Variants in BRCA2 observed in about 807,000 individuals in gnomAD.
The protein encoded by BRCA2 is breast cancer type 2 susceptibility protein.
BRCA2 carries 203 observed loss-of-function variants against 276.7 expected under a neutral mutation model. The ratio of observed to expected loss-of-function variants is 0.73; its 90% confidence interval spans 0.65 to 0.82. BRCA2 has a LOEUF of 0.82. BRCA2 is among the 40% of genes least tolerant of loss of function. The probability of loss-of-function intolerance (pLI) is 0.00; values close to 1 mark genes in which losing one functional copy is unlikely to be tolerated. For synonymous variants in BRCA2, 1,289 were observed against 1,338.4 expected, an observed-to-expected ratio of 0.96 and a Z score of 0.81; for missense variants, 3,920 against 3,915.0, an observed-to-expected ratio of 1.00 and a Z score of -0.03.
At chr13:32,372,996 CTTT>C (rs35596121) in intron 20 of BRCA2, among the ~76,000 whole-genome samples, 2 of 144,566 alleles carry the variant, frequency 1.4e-5, no homozygotes, top group Admixed American at 6.9e-5. Flanking sequence ...ATCAATGAAT[CTTT>C]TTTTTTTTTT....
intron 10 of BRCA2, among the ~76,000 whole-genome samples, chr13:32,335,444 C>T (rs527591618): frequency 6.6e-6 from 1 of 151,760 alleles, no homozygotes; most frequent in East Asian, 1.9e-4. Context: ...TTTAACAGAG[C>T]AGTTGAACTC....
In BRCA2 at chr13:32,333,172, C is replaced by T. The variant is rs55821741; in HGVS notation, c.1694C>T (p.Ala565Val). The T allele has an allele frequency of 6.2e-6, 10 of 1,613,830 alleles. No individual in the cohort carries two copies. In the African/African-American group the frequency reaches 1.1e-4, roughly 17 times the overall value. The change falls in exon 10 of 27, where the codon GCC becomes GTC. Residue 565 changes from alanine to valine, a missense_variant. By Grantham distance (64) the Ala-to-Val change is moderately conservative (BLOSUM62 0). Transcript: ENST00000380152. Reference sequence around the variant, plus strand: ...TTAATTGATAATGGAAGCTGGCCAGCCACCACCACACAGAATTCTGTAGCT... The same window carrying T: ...TTAATTGATAATGGAAGCTGGCCAGTCACCACCACACAGAATTCTGTAGCT... ...PNLIDNGSWP[A>V]TTTQNSVALK...
chr13:32,340,233 T>TGTA lies in BRCA2; in HGVS notation c.5882_5884dup (p.Ser1961dup), dbSNP rs1026127409. The TGTA allele has an allele frequency of 1.2e-6, 2 of 1,613,996 alleles. No homozygotes were observed. Among genetic ancestry groups the TGTA allele is most frequent in the Non-Finnish European group, 1.7e-6 (2 of 1,179,916 alleles). On this transcript the variant is annotated inframe_insertion, in exon 11 of 27. Coordinates refer to ENST00000380152, the MANE Select transcript of BRCA2 (RefSeq NM_000059.4). Reference sequence around the variant, plus strand: ...TTTGGAAACTTCAGATATATGTAAATGTAGTATAGGGAAGCTTCATAAGTC... The same window carrying TGTA: ...TTTGGAAACTTCAGATATATGTAAATGTAGTAGTATAGGGAAGCTTCATAAGTC...
rs1555283508 is a variant in BRCA2, at chr13:32,338,375, T to C, written c.4020T>C (p.Asp1340=). The C allele has an allele frequency of 6.3e-7, 1 of 1,591,186 alleles. No individual in the cohort carries two copies. The highest frequency in any genetic ancestry group is 8.5e-7 in the Non-Finnish European group (1 of 1,170,992). The part of the protein sequence containing the change: ...NSHNLEFDGS[D]SSKNDTVCIH... ...ATAACTTAGAATTTGATGGCAGTGA[T>C]TCAAGTAAAAATGATACTGTTTGTA... Residue 1340 remains aspartate (D), a synonymous_variant, in exon 11 of 27, where the codon GAT becomes GAC. Coordinates refer to ENST00000380152, the MANE Select transcript of BRCA2 (RefSeq NM_000059.4).
rs1237734362 is a variant in BRCA2 at position 32,319,340 on chromosome 13, A to G, written c.316+15A>G. ...ATTAGACTTAGGTAAGTAATGCAATATGGTAGACTGGGGAGAACTACAAAC... is the reference window on the plus strand; with the variant it reads ...ATTAGACTTAGGTAAGTAATGCAATGTGGTAGACTGGGGAGAACTACAAAC... On this transcript the variant is annotated intron_variant, in intron 3 of 26. Coordinates refer to ENST00000380152, the MANE Select transcript of BRCA2 (RefSeq NM_000059.4). 3 of 1,603,192 alleles carry G rather than the reference A, an allele frequency of 1.9e-6. No homozygotes were observed. The highest frequency in any genetic ancestry group is 1.7e-5 in the Admixed American group (1 of 59,910).
chr13:32,388,717 G>A (rs865908783), intron 24 of BRCA2, among the ~76,000 whole-genome samples: 2 of 149,202 alleles, frequency 1.3e-5, no homozygotes, highest in Middle Eastern at 3.5e-3. Flanking sequence ...GTGAAGGAAA[G>A]CCAATTAAGT....
chr13:32,374,392 T>C (rs916629589), intron 20 of BRCA2, among the ~76,000 whole-genome samples: 1 of 152,272 alleles, frequency 6.6e-6, no homozygotes, highest in Non-Finnish European at 1.5e-5. Flanking sequence ...CAAACTTGCA[T>C]GCTCTGCTTC....
At chr13:32,376,642 T>G in intron 20 of BRCA2, 28 bp from the exon 21 acceptor site, 2 of 1,611,584 alleles carry the variant, frequency 1.2e-6, no homozygotes, top group Non-Finnish European at 1.7e-6. Context: ...TACAGTTTAG[T>G]GAATTAATAA....
chr13:32,383,809 G>T (rs988137975), intron 24 of BRCA2, among the ~76,000 whole-genome samples: 4 of 152,114 alleles, frequency 2.6e-5, no homozygotes, highest in Non-Finnish European at 4.4e-5. Context: ...AAAGGTAGGT[G>T]GTTGAAGAAG....
rs1409088355 is a variant in BRCA2 at position 32,338,520 on chromosome 13, T to G, written c.4165T>G (p.Phe1389Val). The change falls in exon 11 of 27, where the codon TTT (phenylalanine) becomes GTT (valine). Residue 1389 changes from phenylalanine (F) to valine (V), a missense_variant. By Grantham distance (50) the Phe-to-Val change is conservative. This residue lies in a region of BRCA2 where 3,263 missense variants were observed against 3,156.9 expected (regional missense o/e 1.03). Transcript: ENST00000380152. ...QIKEDLSDLT[F>V]LEVAKAQEAC... ...TAAAGAAGATTTGTCAGATTTAACT[T>G]TTTTGGAAGTTGCGAAAGCTCAAGA... is the stretch of plus-strand genomic sequence containing the variant. 5.6e-6 allele frequency: 9 copies of G among 1,603,280 alleles called. No homozygotes were observed. The South Asian group carries it at 9.1e-5, about 16-fold the overall frequency.
In BRCA2 at chr13:32,335,410, T is replaced by C. The variant is rs774510154; in HGVS notation, c.1910-855T>C. On this transcript the variant is annotated intron_variant, in intron 10 of 26. Coordinates refer to ENST00000380152, the MANE Select transcript of BRCA2 (RefSeq NM_000059.4). ...TGAAATGCAATTAAGAACTGGTTAG[T>C]AGAAAATTCAGAGGGTCAAGAAATT... is the stretch of plus-strand genomic sequence containing the variant. Among the ~76,000 whole-genome samples, 68 of 151,666 alleles carry C rather than the reference T, an allele frequency of 4.5e-4. No homozygotes were observed. The highest frequency in any genetic ancestry group is 7.4e-4 in the Non-Finnish European group (50 of 67,928).
rs80358853 is a variant in BRCA2 at position 32,340,498 on chromosome 13, A to T, written c.6143A>T (p.Asn2048Ile). Reference sequence around the variant, plus strand: ...ATATCCCAAAAAGGCTTTTCATATAATGTGGTAAATTCATCTGCTTTCTCT... The same window carrying T: ...ATATCCCAAAAAGGCTTTTCATATATTGTGGTAAATTCATCTGCTTTCTCT... ...HLISQKGFSY[N>I]VVNSSAFSGF... Residue 2048 changes from asparagine to isoleucine, a missense_variant, in exon 11 of 27, where the codon AAT becomes ATT. Coordinates refer to ENST00000380152, the MANE Select transcript of BRCA2 (RefSeq NM_000059.4). 28 of 1,613,562 alleles carry T rather than the reference A, an allele frequency of 1.7e-5. No homozygotes were observed. The highest frequency in any genetic ancestry group is 2.3e-5 in the Non-Finnish European group (27 of 1,179,792).
chr13:32,351,984 C>G (rs1566239705), intron 13 of BRCA2, among the ~76,000 whole-genome samples: 1 of 151,808 alleles, frequency 6.6e-6, no homozygotes, highest in East Asian at 1.9e-4. Context: ...TGTATTTTTA[C>G]TAGAGAAGGG....
intron 20 of BRCA2, among the ~76,000 whole-genome samples, chr13:32,373,885 C>G (rs1409513785): frequency 1.3e-5 from 2 of 152,252 alleles, no homozygotes; most frequent in Admixed American, 6.5e-5. Context: ...AACAGAGGTT[C>G]TCTATGAGGG....
chr13:32,319,098 A>C lies in BRCA2; in HGVS notation c.89A>C (p.Asn30Thr). ...NKADLGPISL[N>T]WFEELSSEAP... ...ATAGATTTAGGACCAATAAGTCTTAATTGGTTTGAAGAACTTTCTTCAGAA... is the reference window on the plus strand; with the variant it reads ...ATAGATTTAGGACCAATAAGTCTTACTTGGTTTGAAGAACTTTCTTCAGAA... The change falls in exon 3 of 27, where the codon AAT (asparagine) becomes ACT (threonine). Residue 30 changes from asparagine to threonine, a missense_variant. Around this residue, in one of 2 missense-constraint regions of BRCA2, gnomAD observed 3,263 missense variants for 3,156.9 expected, o/e 1.03. Transcript: ENST00000380152. 1 of 1,612,876 alleles carries C rather than the reference A, an allele frequency of 6.2e-7. No individual in the cohort carries two copies. Among genetic ancestry groups the C allele is most frequent in the Non-Finnish European group, 8.5e-7 (1 of 1,178,984 alleles).
intron 24 of BRCA2, among the ~76,000 whole-genome samples, chr13:32,381,947 G>C (rs2072927045): frequency 6.6e-6 from 1 of 152,160 alleles, no homozygotes; most frequent in Non-Finnish European, 1.5e-5. Context: ...TTGCCACTTA[G>C]AAGGAAAGAC....
In BRCA2 at chr13:32,340,480, A is replaced by G. The variant is rs80358852; in HGVS notation, c.6125A>G (p.Gln2042Arg). 23 of 1,613,516 alleles carry G rather than the reference A, an allele frequency of 1.4e-5. No individual in the cohort carries two copies. In the African/African-American group the frequency reaches 2.5e-4, roughly 18 times the overall value. The stretch of plus-strand genomic sequence containing the variant: ...CGTACTCCAGAACATTTAATATCCC[A>G]AAAAGGCTTTTCATATAATGTGGTA... ...AIRTPEHLIS[Q>R]KGFSYNVVNS... The change falls in exon 11 of 27, where the codon CAA becomes CGA. Residue 2042 changes from glutamine (Q) to arginine (R), a missense_variant. Coordinates refer to ENST00000380152, the MANE Select transcript of BRCA2 (RefSeq NM_000059.4).
chr13:32,335,321 G>A (rs2072439699), intron 10 of BRCA2, among the ~76,000 whole-genome samples: 1 of 150,150 alleles, frequency 6.7e-6, no homozygotes. Context: ...CTCCAGCCTG[G>A]GTGACAGAAC....
chr13:32,347,711 C>G (rs2072621317), intron 13 of BRCA2, among the ~76,000 whole-genome samples: 1 of 152,150 alleles, frequency 6.6e-6, no homozygotes, highest in African/African-American at 2.4e-5. Context: ...CAAATGCAGG[C>G]CCTCTAGGCA....
Sources: gnomAD v4.1 joint callset for allele counts (sites outside exome capture counted in the v4.1 genomes callset) on GRCh38, gnomAD v4.1.1 for gene constraint, gnomAD v4.1.1 regional missense constraint, MANE v1.5 for transcripts, NCBI Gene and HGNC (gene_info 2026-07-23, HGNC 2026-07-21) for gene names.